The following SHANK1 variants were observed in gnomAD, a reference collection of about 807,000 sequenced individuals.
The protein encoded by SHANK1 is SH3 and multiple ankyrin repeat domains protein 1.
Under a neutral mutation model 165.6 loss-of-function variants are expected in SHANK1, and 35 were observed. That is an observed-to-expected ratio of 0.21 (90% CI 0.16 to 0.28). SHANK1 has a LOEUF of 0.28. Ranked by LOEUF, SHANK1 falls within the 10% of genes least tolerant of loss-of-function variation. The probability of loss-of-function intolerance (pLI) is 1.00; values close to 1 mark genes in which losing one functional copy is unlikely to be tolerated. For missense variants in SHANK1, 2,681 were observed against 3,036.4 expected, an observed-to-expected ratio of 0.88 and a Z score of 2.75; for synonymous variants, 1,428 against 1,384.8, an observed-to-expected ratio of 1.03 and a Z score of -0.69.
chr19:50,697,044 A>C lies in SHANK1; in HGVS notation c.1964+52T>G, dbSNP rs1599861804. On this transcript the variant is annotated intron_variant, in intron 15 of 23. Transcript: ENST00000293441. This position sits in a 1 kb window ranked among gnomAD's most constrained non-coding sequence, Gnocchi z 4.7. ...ACACACGTTCACACGCCCCCCAGGC[A>C]CCCCGTCCTTCCCCTCCTGACCCCA... 3.5e-6 allele frequency: 5 copies of C among 1,430,922 alleles called. No homozygotes were observed. The highest frequency in any genetic ancestry group is 4.9e-6 in the Non-Finnish European group (5 of 1,018,016). 88.6% of individuals were successfully genotyped at this position (1,430,922 alleles called of 1,614,324 possible). A position where few individuals can be genotyped will look rare whatever the true frequency, so the allele number is the denominator to read the frequency against.
chr19:50,701,700 G>A (rs1046346430), intron 12 of SHANK1, among the ~76,000 whole-genome samples: 2 of 152,122 alleles, frequency 1.3e-5, no homozygotes, highest in African/African-American at 2.4e-5. Flanking sequence ...CCTCTATACC[G>A]CTCAGCTCCT....
Position 50,668,160 on chromosome 19 carries a change from C to A in SHANK1, c.3800G>T (p.Gly1267Val). 1.4e-6 allele frequency: 2 copies of A among 1,461,832 alleles called. No homozygotes were observed. Among genetic ancestry groups the A allele is most frequent in the South Asian group, 1.3e-5 (1 of 74,678 alleles). 90.6% of individuals were successfully genotyped at this position (1,461,832 alleles called of 1,614,324 possible). Residue 1267 changes from glycine to valine, a missense_variant, in exon 23 of 24, where the codon GGC (glycine) becomes GTC (valine). By Grantham distance (109) the Gly-to-Val change is moderately radical. This residue lies in a region of SHANK1 where 1,713 missense variants were observed against 1,630.2 expected (regional missense o/e 1.05). Transcript: ENST00000293441. ...FLSTDAGDED[G>V]GDGGLGTGAA... Reference sequence around the variant, plus strand: ...CCCTGTGCCCAGCCCGCCGTCCCCGCCGTCCTCGTCCCCCGCGTCGGTGGA... The same window carrying A: ...CCCTGTGCCCAGCCCGCCGTCCCCGACGTCCTCGTCCCCCGCGTCGGTGGA...
chr19:50,702,750 G>A lies in SHANK1; in HGVS notation c.1554-90C>T, dbSNP rs564540740. 230 of 796,386 alleles carry A rather than the reference G, an allele frequency of 2.9e-4. 1 individual carries two copies. Among genetic ancestry groups the A allele is most frequent in the Admixed American group, 6.4e-4 (22 of 34,572 alleles). 49.3% of individuals were successfully genotyped at this position (796,386 alleles called of 1,614,324 possible). On this transcript the variant is annotated intron_variant, in intron 11 of 23. Transcript: ENST00000293441. The surrounding 1 kb of genome is among the most constrained non-coding windows in gnomAD (Gnocchi z 5.3). ...GGGTCCTTGGGTGGGGGAAGAGGAC[G>A]GTGCATCAGGGGGGAGGGGGGGTTT...
At position 50,711,973 on chromosome 19, in the gene SHANK1, C is replaced by T; in HGVS notation, c.934G>A (p.Glu312Lys). Residue 312 changes from glutamate (E) to lysine (K), a missense_variant, in exon 7 of 24, where the codon GAG becomes AAG. Physicochemically the swap from Glu to Lys is moderately conservative, Grantham distance 56 (BLOSUM62 1). Around this residue, in one of 10 missense-constraint regions of SHANK1, gnomAD observed 189 missense variants for 440.9 expected, o/e 0.43. Transcript: ENST00000293441. The stretch of plus-strand genomic sequence containing the variant: ...TGGTGGATTTCCTGCCAGCCGTTCT[C>T]ATCAGCTATGCCCAGCTGGGCCCTG... ...FNRAQLGIAD[E>K]NGWQEIHQAC... The T allele has an allele frequency of 6.2e-7, 1 of 1,614,114 alleles. No homozygotes were observed. Among genetic ancestry groups the T allele is most frequent in the Non-Finnish European group, 8.5e-7 (1 of 1,180,018 alleles).
rs1442339832 is a variant in SHANK1, at chr19:50,718,508, C to T, written c.-44+898G>A. On this transcript the variant is annotated intron_variant, in intron 1 of 23. Coordinates refer to ENST00000293441, the MANE Select transcript of SHANK1 (RefSeq NM_016148.5). The surrounding 1 kb of genome is among the most constrained non-coding windows in gnomAD (Gnocchi z 5.1). ...CCCCGGGCCGGCTCCGGCCCCTCCC[C>T]CTCAGGGCTCGCGGGAGGGAGCGGG... Among the ~76,000 whole-genome samples, 1 of 152,200 alleles carries T rather than the reference C, an allele frequency of 6.6e-6. No homozygotes were observed. The highest frequency in any genetic ancestry group is 1.9e-4 in the East Asian group (1 of 5,176).
In SHANK1 at chr19:50,662,758, G is replaced by C; in HGVS notation, c.5769-76C>G. 6.6e-7 allele frequency: 1 copy of C among 1,509,924 alleles called. No individual in the cohort carries two copies. The highest frequency in any genetic ancestry group is 9.0e-7 in the Non-Finnish European group (1 of 1,113,472). 93.5% of individuals were successfully genotyped at this position (1,509,924 alleles called of 1,614,324 possible). A position where few individuals can be genotyped will look rare whatever the true frequency, so the allele number is the denominator to read the frequency against. On this transcript the variant is annotated intron_variant, in intron 23 of 23. Transcript: ENST00000293441. The surrounding 1 kb of genome is among the most constrained non-coding windows in gnomAD (Gnocchi z 7.7). ...GGGCAGGGGTGAGAAAGAGGCAGAGGTCAAGATATAGGGAGAGAGGAGGAG... is the reference window on the plus strand; with the variant it reads ...GGGCAGGGGTGAGAAAGAGGCAGAGCTCAAGATATAGGGAGAGAGGAGGAG...
rs1392943088 is a variant in SHANK1 at position 50,661,328 on chromosome 19, G to C, written c.*637C>G. ...AAAGGAAATGCAGCGTGTGCGAGGA[G>C]AGCAGAGTGTATTTGAGCGGGCCTC... On this transcript the variant is annotated 3_prime_UTR_variant, in exon 24 of 24. Transcript: ENST00000293441. Among the ~76,000 whole-genome samples the C allele has an allele frequency of 6.6e-6, 1 of 152,198 alleles. No homozygotes were observed. The highest frequency in any genetic ancestry group is 6.5e-5 in the Admixed American group (1 of 15,288).
chr19:50,695,209 C>A (rs1204180839), intron 15 of SHANK1, among the ~76,000 whole-genome samples: 5 of 137,232 alleles, frequency 3.6e-5, no homozygotes, highest in Admixed American at 7.0e-5. Context: ...GCGCGCACCC[C>A]CTCCCGCGGG....
At position 50,716,240 on chromosome 19, in the gene SHANK1, T is replaced by A; in HGVS notation, c.459+35A>T. The A allele has an allele frequency of 6.2e-7, 1 of 1,600,834 alleles. No individual in the cohort carries two copies. Among genetic ancestry groups the A allele is most frequent in the Non-Finnish European group, 8.6e-7 (1 of 1,168,500 alleles). On this transcript the variant is annotated intron_variant, in intron 3 of 23. Transcript: ENST00000293441. The surrounding 1 kb of genome is among the most constrained non-coding windows in gnomAD (Gnocchi z 8.4). ...GGGCAGATGTGTTTTAGGGCATGCC[T>A]TCTCTTATCAGTGAAGGAGTTGGGG...
chr19:50,713,780 G>A lies in SHANK1; in HGVS notation c.792+18C>T, dbSNP rs1388512096. 1 of 1,610,988 alleles carries A rather than the reference G, an allele frequency of 6.2e-7. No individual in the cohort carries two copies. The highest frequency in any genetic ancestry group is 1.7e-5 in the Admixed American group (1 of 59,968). On this transcript the variant is annotated intron_variant, in intron 6 of 23. Transcript: ENST00000293441. This position sits in a 1 kb window ranked among gnomAD's most constrained non-coding sequence, Gnocchi z 6.2. ...GAGAGGGCCCCATGGCGGGGATGGG[G>A]GGTCCCCGAAGCCTCACCGTGAGTG...
intron 21 of SHANK1, among the ~76,000 whole-genome samples, chr19:50,680,386 C>T (rs545720329): frequency 2.6e-5 from 4 of 152,124 alleles, no homozygotes; most frequent in South Asian, 2.1e-4. Flanking sequence ...GGAGCAATGA[C>T]GTCTCAGACT....
At chr19:50,687,312 A>G (rs894136971) in intron 19 of SHANK1, among the ~76,000 whole-genome samples, 4 of 152,000 alleles carry the variant, frequency 2.6e-5, no homozygotes, top group African/African-American at 9.7e-5. Flanking sequence ...GACAAAAGGA[A>G]GGAGACAGAG....
Position 50,668,517 on chromosome 19 carries a change from G to A in SHANK1, c.3443C>T (p.Ser1148Leu), listed in dbSNP as rs1175442466. ...PQPPPAVAAP[S>L]EKNSIPIPTI... is the part of the protein sequence containing the mutation. ...GGGGATGGGGATGGAGTTCTTCTCC[G>A]AGGGCGCGGCCACGGCGGGCGGCGG... Residue 1148 changes from serine to leucine, a missense_variant, in exon 23 of 24, where the codon TCG becomes TTG. Ser to Leu is a moderately radical substitution (Grantham distance 145, BLOSUM62 -2). Coordinates refer to ENST00000293441, the MANE Select transcript of SHANK1 (RefSeq NM_016148.5). The A allele has an allele frequency of 1.8e-5, 24 of 1,348,834 alleles. No individual in the cohort carries two copies. The highest frequency in any genetic ancestry group is 2.2e-5 in the Non-Finnish European group (23 of 1,050,544). The allele number at this position is 1,348,834 out of a possible 1,614,324, so 83.6% of individuals were successfully genotyped here. A position where few individuals can be genotyped will look rare whatever the true frequency, so the allele number is the denominator to read the frequency against.
At chr19:50,699,867 CG>C (rs1330603847) in intron 12 of SHANK1, among the ~76,000 whole-genome samples, 1 of 92,224 alleles carries the variant, frequency 1.1e-5, no homozygotes, top group South Asian at 3.5e-4. Flanking sequence ...TTGGAGGGCT[CG>C]GGGCATTGGA....
Position 50,667,893 on chromosome 19 carries a change from G to T in SHANK1, c.4067C>A (p.Ala1356Asp). The change falls in exon 23 of 24, where the codon GCC becomes GAC. Residue 1356 changes from alanine (A) to aspartate (D), a missense_variant. Around this residue, in one of 10 missense-constraint regions of SHANK1, gnomAD observed 1,713 missense variants for 1,630.2 expected, o/e 1.05. Transcript: ENST00000293441. The surrounding 1 kb of genome is among the most constrained non-coding windows in gnomAD (Gnocchi z 5.7). ...ALDPASPLGLALAARERALKE... is the reference protein window; with the variant it reads ...ALDPASPLGLDLAARERALKE... ...CAGCGCTCGCTCGCGGGCGGCCAGG[G>T]CCAGCCCCAGCGGGGAGGCGGGATC... 1 of 1,333,650 alleles carries T rather than the reference G, an allele frequency of 7.5e-7. No individual in the cohort carries two copies. The highest frequency in any genetic ancestry group is 3.1e-5 in the East Asian group (1 of 32,152). 82.6% of individuals were successfully genotyped at this position (1,333,650 alleles called of 1,614,324 possible). A position where few individuals can be genotyped will look rare whatever the true frequency, so the allele number is the denominator to read the frequency against.
rs1251711569 is a variant in SHANK1 at position 50,661,194 on chromosome 19, C to G, written c.*771G>C. ...CCCAAGTGTGTCTGCAACAAGGGTCCAGAGCGAGCGGGGAGGAGGAGATGT... is the reference window on the plus strand; with the variant it reads ...CCCAAGTGTGTCTGCAACAAGGGTCGAGAGCGAGCGGGGAGGAGGAGATGT... On this transcript the variant is annotated 3_prime_UTR_variant, in exon 24 of 24. Transcript: ENST00000293441. Among the ~76,000 whole-genome samples the G allele has an allele frequency of 6.6e-6, 1 of 151,880 alleles. No individual in the cohort carries two copies. The highest frequency in any genetic ancestry group is 2.4e-5 in the African/African-American group (1 of 41,328).
chr19:50,703,444 C>T, intron 11 of SHANK1, 56 bp downstream of exon 11: 1 of 1,446,822 alleles, frequency 6.9e-7, no homozygotes, highest in Non-Finnish European at 9.3e-7. Flanking sequence ...AGCCGCCGAT[C>T]TGGAGAGGGG....
chr19:50,689,776 G>GT (rs1986485195), intron 15 of SHANK1, among the ~76,000 whole-genome samples: 1 of 152,186 alleles, frequency 6.6e-6, no homozygotes, highest in African/African-American at 2.4e-5. Context: ...CTGGCACATA[G>GT]TAGGTGCTCA....
Position 50,704,652 on chromosome 19 carries a change from A to G in SHANK1, c.1078-138T>C, listed in dbSNP as rs575605526. 3.4e-5 allele frequency: 26 copies of G among 756,774 alleles called. No homozygotes were observed. The East Asian group carries it at 5.4e-4, about 16-fold the overall frequency. 46.9% of individuals were successfully genotyped at this position (756,774 alleles called of 1,614,324 possible). On this transcript the variant is annotated intron_variant, in intron 8 of 23. Coordinates refer to ENST00000293441, the MANE Select transcript of SHANK1 (RefSeq NM_016148.5). ...ACCCGCACCACTGAGGACAGCAGCC[A>G]CCTGCCAGGTACGGACCAGGAGCAC... is the stretch of plus-strand genomic sequence containing the variant.
Sources: gnomAD v4.1 joint callset for allele counts (sites outside exome capture counted in the v4.1 genomes callset) on GRCh38, gnomAD v4.1.1 for gene constraint, gnomAD v4.1.1 regional missense constraint, Gnocchi (gnomAD v3.1) non-coding constraint, MANE v1.5 for transcripts, NCBI Gene and HGNC (gene_info 2026-07-23, HGNC 2026-07-21) for gene names.